CEP112: variants seen among roughly 807,000 people sequenced by gnomAD.
CEP112 encodes centrosomal protein of 112 kDa.
A neutral mutation model predicts 153.0 loss-of-function variants in CEP112; 127 were observed. The ratio of observed to expected loss-of-function variants is 0.83; its 90% CI spans 0.72 to 0.96. CEP112 has a LOEUF of 0.96. Among genes scored for constraint, CEP112 ranks in the 40% least tolerant of loss-of-function variants. The probability of loss-of-function intolerance (pLI) is 0.00; values close to 1 mark genes in which losing one functional copy is unlikely to be tolerated. For synonymous variants in CEP112, 358 were observed against 374.4 expected (o/e 0.96, Z 0.51); for missense variants, 1,089 against 1,101.2 (o/e 0.99, Z 0.16).
chr17:66,025,388 G>A (rs1342556265), intron 16 of CEP112, among the ~76,000 whole-genome samples: 1 of 151,918 alleles, frequency 6.6e-6, no homozygotes, highest in Non-Finnish European at 1.5e-5. Flanking sequence ...ATCTGGCCCG[G>A]GGACTGATAT....
chr17:65,896,514 T>C (rs919853315), intron 20 of CEP112, among the ~76,000 whole-genome samples: 1 of 152,026 alleles, frequency 6.6e-6, no homozygotes, highest in Non-Finnish European at 1.5e-5. Flanking sequence ...GAAATAGTAT[T>C]ATTTTACTTA....
At position 65,932,801 on chromosome 17, in the gene CEP112, C is replaced by T. The variant is rs113360920; in HGVS notation, c.1873-5112G>A. ...TGATGCTAAATCATTCAGGAGAACCCGCCCCCATGATTCAATCACCTCCCG... is the reference window on the plus strand; with the variant it reads ...TGATGCTAAATCATTCAGGAGAACCTGCCCCCATGATTCAATCACCTCCCG... On this transcript the variant is annotated intron_variant, in intron 18 of 26. Transcript: ENST00000535342. Among the ~76,000 whole-genome samples the T allele has an allele frequency of 7.5e-3, 1,134 of 152,068 alleles. 12 individuals are homozygous for T. The highest frequency in any genetic ancestry group is 0.025 in the African/African-American group (1,057 of 41,480).
At chr17:65,677,838 G>C (rs556839774) in intron 24 of CEP112, among the ~76,000 whole-genome samples, 1 of 152,056 alleles carries the variant, frequency 6.6e-6, no homozygotes, top group Non-Finnish European at 1.5e-5. Flanking sequence ...GCTTGAACCC[G>C]GGAGGCAGAG....
chr17:65,726,979 T>G (rs1344482132), intron 23 of CEP112, among the ~76,000 whole-genome samples: 1 of 152,232 alleles, frequency 6.6e-6, no homozygotes, highest in Non-Finnish European at 1.5e-5. Context: ...TGTATAGACT[T>G]GCAAGTATAT....
At chr17:65,970,926 G>A (rs78152403) in intron 17 of CEP112, among the ~76,000 whole-genome samples, 9,990 of 112,510 alleles carry the variant, frequency 0.089, 481 homozygotes, top group South Asian at 0.2. Context: ...CATGTATGCA[G>A]TTATTGCACC....
chr17:66,092,815 CA>C (rs1246060682), intron 8 of CEP112, among the ~76,000 whole-genome samples: 1 of 152,024 alleles, frequency 6.6e-6, no homozygotes, highest in African/African-American at 2.4e-5. Flanking sequence ...TTACAAAATT[CA>C]ACATATTTTC....
At chr17:65,749,834 C>A (rs1292223770) in intron 22 of CEP112, among the ~76,000 whole-genome samples, 1 of 124,258 alleles carries the variant, frequency 8.0e-6, no homozygotes, top group Non-Finnish European at 1.8e-5. Context: ...ATGGTAAATT[C>A]TAGTTTACTA....
At chr17:65,956,020 C>T (rs1184648128) in intron 18 of CEP112, among the ~76,000 whole-genome samples, 1 of 152,154 alleles carries the variant, frequency 6.6e-6, no homozygotes, top group African/African-American at 2.4e-5. Context: ...ATTTACAGAA[C>T]ATTCTACCCA....
At chr17:65,918,380 T>C (rs2143997826) in intron 19 of CEP112, among the ~76,000 whole-genome samples, 1 of 152,318 alleles carries the variant, frequency 6.6e-6, no homozygotes, top group Non-Finnish European at 1.5e-5. Flanking sequence ...TTTGCTACTG[T>C]GTTTGCTAAC....
At chr17:65,711,958 G>C (rs1293959934) in intron 23 of CEP112, among the ~76,000 whole-genome samples, 1 of 152,180 alleles carries the variant, frequency 6.6e-6, no homozygotes, top group East Asian at 1.9e-4. Flanking sequence ...CAAAGTACAA[G>C]GGTAGAAACA....
chr17:66,132,146 G>A (rs991870795), intron 5 of CEP112, among the ~76,000 whole-genome samples: 2 of 112,826 alleles, frequency 1.8e-5, no homozygotes, highest in African/African-American at 7.0e-5. Context: ...TCTCCAGCCT[G>A]GGCAACAGTG....
intron 20 of CEP112, among the ~76,000 whole-genome samples, chr17:65,883,763 T>C (rs1328156413): frequency 6.6e-6 from 1 of 152,164 alleles, no homozygotes; most frequent in Non-Finnish European, 1.5e-5. Flanking sequence ...TCATCATGTC[T>C]GTTGAGAAAA....
At chr17:66,039,234 A>T (rs2065871442) in intron 12 of CEP112, among the ~76,000 whole-genome samples, 1 of 152,182 alleles carries the variant, frequency 6.6e-6, no homozygotes, top group African/African-American at 2.4e-5. Flanking sequence ...TGGTCTTTTC[A>T]TCGTACAACA....
At chr17:65,798,420 C>T (rs764176980) in intron 21 of CEP112, among the ~76,000 whole-genome samples, 1 of 152,106 alleles carries the variant, frequency 6.6e-6, no homozygotes, top group African/African-American at 2.4e-5. Context: ...GTAAGATCCA[C>T]CATGCATCAT....
At chr17:66,146,602 C>T (rs1361896039) in intron 4 of CEP112, among the ~76,000 whole-genome samples, 1 of 152,072 alleles carries the variant, frequency 6.6e-6, no homozygotes, top group Non-Finnish European at 1.5e-5. Context: ...GTGCAATAAT[C>T]TCCACCATCT....
intron 18 of CEP112, among the ~76,000 whole-genome samples, chr17:65,947,461 A>G (rs931089114): frequency 2.6e-5 from 4 of 152,126 alleles, no homozygotes; most frequent in Admixed American, 2.0e-4. Context: ...TAACAATGTT[A>G]CTATTTTCAC....
intron 23 of CEP112, among the ~76,000 whole-genome samples, chr17:65,724,858 C>T (rs991851676): frequency 2.6e-5 from 4 of 152,142 alleles, no homozygotes; most frequent in African/African-American, 9.7e-5. Flanking sequence ...CCCCTTTACC[C>T]CTCTTCCACT....
intron 1 of CEP112, among the ~76,000 whole-genome samples, chr17:66,189,537 A>C (rs1356657369): frequency 3.3e-5 from 5 of 152,006 alleles, no homozygotes; most frequent in Non-Finnish European, 7.4e-5. Flanking sequence ...AAAAGTAGAA[A>C]GGCAATTGGA....
chr17:66,078,263 CT>C (rs573290197), intron 8 of CEP112, among the ~76,000 whole-genome samples: 34 of 83,842 alleles, frequency 4.1e-4, no homozygotes, highest in Non-Finnish European at 6.6e-4. Flanking sequence ...TTTTCTTTTT[CT>C]TTTTTTTTTT....
Sources: allele counts gnomAD v4.1 joint callset (sites outside exome capture counted in the v4.1 genomes callset), GRCh38; gene constraint gnomAD v4.1.1; transcripts MANE v1.5; gene names NCBI Gene and HGNC (gene_info 2026-07-23, HGNC 2026-07-21).